DAAM1: variants seen among roughly 807,000 people sequenced by gnomAD.
DAAM1 encodes disheveled-associated activator of morphogenesis 1.
DAAM1 carries 52 observed loss-of-function variants against 130.0 expected under a neutral mutation model. The observed-to-expected ratio is 0.40, with a 90% CI of 0.32 to 0.50. The LOEUF (loss-of-function observed/expected upper bound fraction) is 0.50. DAAM1 is among the 20% of genes least tolerant of loss of function. The probability of loss-of-function intolerance (pLI) is 0.61; values close to 1 mark genes in which losing one functional copy is unlikely to be tolerated. For synonymous variants in DAAM1, 452 were observed against 444.5 expected (o/e 1.02, Z -0.21); for missense variants, 1,134 against 1,303.8 (o/e 0.87, Z 2.01).
intron 2 of DAAM1, among the ~76,000 whole-genome samples, chr14:59,288,252 A>G (rs554068747): frequency 6.6e-6 from 1 of 152,272 alleles, no homozygotes; most frequent in South Asian, 2.1e-4. Context: ...CCTTTCTTTC[A>G]CATAAGCAAA....
intron 18 of DAAM1, among the ~76,000 whole-genome samples, chr14:59,353,011 A>C (rs1238862605): frequency 6.6e-6 from 1 of 152,076 alleles, no homozygotes; most frequent in African/African-American, 2.4e-5. Context: ...AAAAAGAAAA[A>C]AAAATATATG....
chr14:59,285,637 A>C (rs1883414493), intron 2 of DAAM1, among the ~76,000 whole-genome samples: 1 of 152,192 alleles, frequency 6.6e-6, no homozygotes, highest in Non-Finnish European at 1.5e-5. Flanking sequence ...GTATCTGATA[A>C]AACAGATTTT....
At chr14:59,194,785 G>A (rs1021087501) in intron 1 of DAAM1, among the ~76,000 whole-genome samples, 1 of 152,208 alleles carries the variant, frequency 6.6e-6, no homozygotes, top group Admixed American at 6.5e-5. Flanking sequence ...CAAATTTGGT[G>A]CCAAATAAAC....
rs1178418044 is a variant in DAAM1, at chr14:59,355,051, C to A, written c.2357-114C>A. ...TTGGTAACCCAATAACTCAGTCTTA[C>A]ATCTTCAATATCTGTTATTAAGTGT... On this transcript the variant is annotated intron_variant, in intron 19 of 24. Transcript: ENST00000360909. 10 of 1,373,400 alleles carry A rather than the reference C, an allele frequency of 7.3e-6. 1 individual carries two copies. Among genetic ancestry groups the A allele is most frequent in the African/African-American group, 1.5e-5 (1 of 68,674 alleles). The allele number at this position is 1,373,400 out of a possible 1,614,324, so 85.1% of individuals were successfully genotyped here.
intron 23 of DAAM1, 104 bp downstream of exon 23, chr14:59,363,886 A>G: frequency 6.7e-7 from 1 of 1,492,630 alleles, no homozygotes; most frequent in Non-Finnish European, 9.0e-7. Flanking sequence ...GTGAGATCCA[A>G]ACTTCGTGGT....
At chr14:59,189,350 G>T (rs548924316) in intron 1 of DAAM1, among the ~76,000 whole-genome samples, 1 of 152,352 alleles carries the variant, frequency 6.6e-6, no homozygotes, top group East Asian at 1.9e-4. Flanking sequence ...CTGTAATTCA[G>T]ACTAAGTTGG....
intron 1 of DAAM1, among the ~76,000 whole-genome samples, chr14:59,216,249 A>G (rs577246096): frequency 1.2e-4 from 19 of 152,308 alleles, no homozygotes; most frequent in Middle Eastern, 3.4e-3. Flanking sequence ...TGTCTCAGGC[A>G]CAGTTTTTCA....
Position 59,323,111 on chromosome 14 carries a change from G to A in DAAM1, c.660G>A (p.Lys220=), listed in dbSNP as rs771178796. The change falls in exon 6 of 25, where the codon AAG becomes AAA. Residue 220 remains lysine, a synonymous_variant. Transcript: ENST00000360909. ...QSLSTENIKT[K]VAVLEILGAV... ...TGAGCACAGAGAACATTAAAACGAA[G>A]GTGGCCGTGCTGGAAATCTTGGGCG... The A allele has an allele frequency of 1.2e-6, 2 of 1,613,600 alleles. No individual in the cohort carries two copies. Among genetic ancestry groups the A allele is most frequent in the South Asian group, 2.2e-5 (2 of 91,026 alleles).
At position 59,369,268 on chromosome 14, in the gene DAAM1, T is replaced by C. The variant is rs943177821; in HGVS notation, c.*409T>C. The C allele has an allele frequency of 5.2e-5, 8 of 154,326 alleles. No homozygotes were observed. Among genetic ancestry groups the C allele is most frequent in the African/African-American group, 1.9e-4 (8 of 41,330 alleles). 9.6% of individuals were successfully genotyped at this position (154,326 alleles called of 1,614,324 possible). On this transcript the variant is annotated 3_prime_UTR_variant, in exon 25 of 25. Transcript: ENST00000360909. ...AAACAAACAAAAAAAGCTTGCAAAA[T>C]ATTTTATGGTTTCCAAGCTTGATAT...
chr14:59,264,765 G>T (rs533769746), intron 2 of DAAM1: 1 of 152,104 alleles, frequency 6.6e-6, no homozygotes, highest in East Asian at 1.9e-4. Flanking sequence ...CATCACCTAG[G>T]TATTAAGCCC....
chr14:59,289,510 C>CAGTT (rs1883622986), intron 2 of DAAM1, among the ~76,000 whole-genome samples: 1 of 152,068 alleles, frequency 6.6e-6, no homozygotes, highest in Non-Finnish European at 1.5e-5. Context: ...GAAGAGGGAA[C>CAGTT]AGTTATACAC....
chr14:59,227,352 C>T (rs78263198), intron 1 of DAAM1, among the ~76,000 whole-genome samples: 2 of 152,160 alleles, frequency 1.3e-5, no homozygotes, highest in East Asian at 3.9e-4. Flanking sequence ...TCTCTGGTTC[C>T]CCATTACAGA....
At chr14:59,355,465 T>C in intron 20 of DAAM1, 132 bp downstream of exon 20, 1 of 1,105,070 alleles carries the variant, frequency 9.0e-7, no homozygotes, top group Non-Finnish European at 1.3e-6. Context: ...CTCACTACTT[T>C]CTTCCCTTCT....
chr14:59,245,418 G>T (rs1881326267), intron 1 of DAAM1, among the ~76,000 whole-genome samples: 1 of 152,146 alleles, frequency 6.6e-6, no homozygotes, highest in South Asian at 2.1e-4. Context: ...CCTTTAAGTA[G>T]CAGGACCTTG....
chr14:59,207,314 G>A (rs766704111), intron 1 of DAAM1, among the ~76,000 whole-genome samples: 21 of 152,170 alleles, frequency 1.4e-4, no homozygotes, highest in Non-Finnish European at 2.9e-4. Context: ...TGGACAAGAG[G>A]CATTACATTA....
intron 16 of DAAM1, among the ~76,000 whole-genome samples, chr14:59,344,799 T>G (rs1386277332): frequency 1.3e-5 from 2 of 152,320 alleles, no homozygotes; most frequent in East Asian, 3.9e-4. Context: ...GTGCTCCATA[T>G]GGGGAGCTAA....
chr14:59,214,243 T>C (rs1888510865), intron 1 of DAAM1, among the ~76,000 whole-genome samples: 2 of 152,216 alleles, frequency 1.3e-5, no homozygotes, highest in Admixed American at 1.3e-4. Context: ...AGAAACCTCT[T>C]TGTCTTTCTT....
chr14:59,346,511 A>C (rs1013676666), intron 16 of DAAM1, among the ~76,000 whole-genome samples: 2 of 152,076 alleles, frequency 1.3e-5, no homozygotes, highest in African/African-American at 4.8e-5. Flanking sequence ...TCATGCCTGT[A>C]ATCCCAGCAC....
At chr14:59,212,241 C>T (rs1262717340) in intron 1 of DAAM1, among the ~76,000 whole-genome samples, 1 of 152,122 alleles carries the variant, frequency 6.6e-6, no homozygotes, top group Non-Finnish European at 1.5e-5. Flanking sequence ...ATAATAATGC[C>T]ATAATTCATT....
Sources: allele counts gnomAD v4.1 joint callset (sites outside exome capture counted in the v4.1 genomes callset), GRCh38; gene constraint gnomAD v4.1.1; transcripts MANE v1.5; gene names NCBI Gene and HGNC (gene_info 2026-07-23, HGNC 2026-07-21).